The following PRSS23 variants were observed in gnomAD, a reference collection of about 807,000 sequenced individuals.
The protein encoded by PRSS23 is protease, serine 23.
Under a neutral mutation model 34.7 loss-of-function variants are expected in PRSS23, and 25 were observed. The observed-to-expected ratio is 0.72, with a 90% CI of 0.53 to 1.01. The LOEUF is 1.01. Ranked by LOEUF, PRSS23 falls within the 50% of genes least tolerant of loss-of-function variation. PRSS23 has a pLI of 0.00. For missense variants in PRSS23, 445 were observed against 475.6 expected (o/e 0.94, Z 0.60); for synonymous variants, 176 against 186.6 (o/e 0.94, Z 0.46).
chr11:86,872,459 C>T (rs930123293), intron 2 of PRSS23, among the ~76,000 whole-genome samples: 1 of 152,162 alleles, frequency 6.6e-6, no homozygotes, highest in Non-Finnish European at 1.5e-5. Context: ...TATTTATAAA[C>T]ATATCCGTAC....
intron 2 of PRSS23, chr11:86,833,231 T>G: frequency 6.5e-7 from 1 of 1,530,670 alleles, no homozygotes; most frequent in South Asian, 1.1e-5. Context: ...TTGGGGACCG[T>G]GTTGGAGGTG....
chr11:86,946,216 C>T (rs1360382386), intron 2 of PRSS23: 2 of 152,206 alleles, frequency 1.3e-5, no homozygotes, highest in Non-Finnish European at 2.9e-5. Flanking sequence ...CCTATTAGTA[C>T]AATTTGAAAA....
chr11:86,906,697 G>T (rs543457614), intron 2 of PRSS23, among the ~76,000 whole-genome samples: 1 of 152,164 alleles, frequency 6.6e-6, no homozygotes, highest in Non-Finnish European at 1.5e-5. Context: ...GCACAATGAG[G>T]CCCAAACCCA....
At chr11:86,905,138 T>C (rs1795839407) in intron 2 of PRSS23, among the ~76,000 whole-genome samples, 1 of 152,242 alleles carries the variant, frequency 6.6e-6, no homozygotes, top group South Asian at 2.1e-4. Flanking sequence ...TCAGGTAACA[T>C]GTCATACCGA....
chr11:86,833,349 G>T (rs1948376012), intron 2 of PRSS23: 2 of 915,880 alleles, frequency 2.2e-6, no homozygotes, highest in Non-Finnish European at 1.8e-6. Context: ...CCAGCACCAT[G>T]ACTAGGTACA....
At chr11:86,850,257 C>A (rs75393268) in intron 2 of PRSS23, among the ~76,000 whole-genome samples, 1 of 152,122 alleles carries the variant, frequency 6.6e-6, no homozygotes, top group Non-Finnish European at 1.5e-5. Flanking sequence ...TAGTGAGAAA[C>A]CCTGGAATGA....
chr11:86,832,615 C>G, intron 2 of PRSS23: 1 of 494,284 alleles, frequency 2.0e-6, no homozygotes, highest in Non-Finnish European at 4.0e-6. Flanking sequence ...TGGGGGTGAT[C>G]ACCGTGTACA....
chr11:86,805,117 C>G (rs1275860059), intron 1 of PRSS23, among the ~76,000 whole-genome samples: 1 of 152,158 alleles, frequency 6.6e-6, no homozygotes, highest in African/African-American at 2.4e-5. Context: ...CAAGATACAG[C>G]CATGTGGGAG....
At chr11:86,927,088 T>A (rs1367674966) in intron 2 of PRSS23, among the ~76,000 whole-genome samples, 1 of 152,194 alleles carries the variant, frequency 6.6e-6, no homozygotes, top group Admixed American at 6.5e-5. Context: ...TCTTAAGGAT[T>A]TTTTAGATTC....
intron 2 of PRSS23, among the ~76,000 whole-genome samples, chr11:86,898,300 TG>T (rs2134980843): frequency 6.6e-6 from 1 of 152,316 alleles, no homozygotes; most frequent in East Asian, 1.9e-4. Flanking sequence ...CTGAACCAGA[TG>T]GGACAAGTGA....
intron 2 of PRSS23, chr11:86,940,952 T>C (rs903286547): frequency 3.3e-5 from 5 of 152,174 alleles, no homozygotes; most frequent in East Asian, 3.8e-4. Context: ...GGTACAAATA[T>C]TGTAAATCAA....
chr11:86,807,933 C>A lies in PRSS23; in HGVS notation c.290C>A (p.Thr97Lys), dbSNP rs1463527857. 1 of 1,614,182 alleles carries A rather than the reference C, an allele frequency of 6.2e-7. No homozygotes were observed. The highest frequency in any genetic ancestry group is 8.5e-7 in the Non-Finnish European group (1 of 1,180,044). Reference sequence around the variant, plus strand: ...ACGCTCTATGCCAATGGCAGCCGCACAGAGACGCAGGTGGGCATCTACATC... The same window carrying A: ...ACGCTCTATGCCAATGGCAGCCGCAAAGAGACGCAGGTGGGCATCTACATC... ...YETLYANGSR[T>K]ETQVGIYILS... is the part of the protein sequence containing the mutation. Residue 97 changes from threonine to lysine, a missense_variant, in exon 2 of 2, where the codon ACA becomes AAA. Coordinates refer to ENST00000280258, the MANE Select transcript of PRSS23 (RefSeq NM_007173.6).
chr11:86,875,480 C>CCG (rs1948717135), intron 2 of PRSS23, among the ~76,000 whole-genome samples: 1 of 152,188 alleles, frequency 6.6e-6, no homozygotes, highest in African/African-American at 2.4e-5. Flanking sequence ...CTGTGAAAGA[C>CCG]CGTGCTCTGG....
Position 86,897,390 on chromosome 11 carries a change from G to A in PRSS23, c.207-53826G>A, listed in dbSNP as rs577097871. Reference sequence around the variant, plus strand: ...CAACGTGCTGGAATTACAGGAGTGAGCCACCATGCCTGGCCAACATAAAGT... The same window carrying A: ...CAACGTGCTGGAATTACAGGAGTGAACCACCATGCCTGGCCAACATAAAGT... On this transcript the variant is annotated intron_variant, in intron 2 of 2. Coordinates refer to the PRSS23 transcript ENST00000533902. Among the ~76,000 whole-genome samples the A allele has an allele frequency of 4.0e-5, 6 of 151,684 alleles. No individual in the cohort carries two copies. In the South Asian group the frequency reaches 1.2e-3, roughly 32 times the overall value.
At chr11:86,914,611 C>A (rs1949000430) in intron 2 of PRSS23, among the ~76,000 whole-genome samples, 1 of 152,064 alleles carries the variant, frequency 6.6e-6, no homozygotes, top group Admixed American at 6.6e-5. Flanking sequence ...GAAAAAAGTA[C>A]CATCTGATTG....
chr11:86,928,198 C>A (rs1590931626), intron 2 of PRSS23, among the ~76,000 whole-genome samples: 1 of 143,866 alleles, frequency 7.0e-6, no homozygotes, highest in East Asian at 2.0e-4. Flanking sequence ...ATATGTATTA[C>A]AAATATTTTA....
At chr11:86,858,120 C>A (rs1948585670) in intron 2 of PRSS23, among the ~76,000 whole-genome samples, 1 of 151,984 alleles carries the variant, frequency 6.6e-6, no homozygotes, top group African/African-American at 2.4e-5. Flanking sequence ...AAACTGTACA[C>A]CCCTGCTGTG....
chr11:86,889,679 A>G (rs1011489219), intron 2 of PRSS23, among the ~76,000 whole-genome samples: 17 of 152,332 alleles, frequency 1.1e-4, no homozygotes, highest in Non-Finnish European at 1.9e-4. Context: ...TGAATTCTGG[A>G]GGGACATAAA....
chr11:86,797,929 C>A (rs922134834), upstream of PRSS23, among the ~76,000 whole-genome samples: 13 of 152,160 alleles, frequency 8.5e-5, no homozygotes, highest in African/African-American at 3.1e-4. Flanking sequence ...TGGATTGGTA[C>A]CCCATAGTCA....
Sources: allele counts gnomAD v4.1 joint callset (sites outside exome capture counted in the v4.1 genomes callset), GRCh38; gene constraint gnomAD v4.1.1; transcripts MANE v1.5; gene names NCBI Gene and HGNC (gene_info 2026-07-23, HGNC 2026-07-21).